CYFIP1: variants seen among roughly 807,000 people sequenced by gnomAD.
The protein encoded by CYFIP1 is cytoplasmic FMR1-interacting protein 1.
CYFIP1 carries 58 observed loss-of-function variants against 163.5 expected under a neutral mutation model. The ratio of observed to expected loss-of-function variants is 0.35; its 90% CI spans 0.29 to 0.44. The LOEUF is 0.44. Among genes scored for constraint, CYFIP1 ranks in the 20% least tolerant of loss-of-function variants. The pLI, the probability that CYFIP1 is intolerant of heterozygous loss-of-function variation, is 1.00. For synonymous variants in CYFIP1, 663 were observed against 660.7 expected, an observed-to-expected ratio of 1.00 and a Z score of -0.05; for missense variants, 1,338 against 1,653.8, an observed-to-expected ratio of 0.81 and a Z score of 3.31.
chr15:22,885,604 G>A (rs1675878924), intron 23 of CYFIP1, among the ~76,000 whole-genome samples: 2 of 152,270 alleles, frequency 1.3e-5, no homozygotes, highest in East Asian at 1.9e-4. Flanking sequence ...ATGGTGGTGG[G>A]CACCTGTAAT....
rs1173873355 is a variant in CYFIP1 at position 22,928,004 on chromosome 15, C to T, written c.1135G>A (p.Glu379Lys). 13 of 1,579,984 alleles carry T rather than the reference C, an allele frequency of 8.2e-6. No individual in the cohort carries two copies. The highest frequency in any genetic ancestry group is 1.1e-5 in the Non-Finnish European group (13 of 1,166,854). ...TACTCCGCGTCCGTCTTCTGGGCCTCCTGGCGGCCCGAGCCCGTGACCACC... is the reference window on the plus strand; with the variant it reads ...TACTCCGCGTCCGTCTTCTGGGCCTTCTGGCGGCCCGAGCCCGTGACCACC... ...SEVVTGSGRQ[E>K]AQKTDAEYRK... The change falls in exon 12 of 31, where the codon GAG (glutamate) becomes AAG (lysine). Residue 379 changes from glutamate to lysine, a missense_variant. Physicochemically the swap from Glu to Lys is moderately conservative, Grantham distance 56. This residue lies in a region of CYFIP1 where 824 missense variants were observed against 995.7 expected (regional missense o/e 0.83). Coordinates refer to ENST00000617928, the MANE Select transcript of CYFIP1 (RefSeq NM_014608.6).
In CYFIP1 at chr15:22,912,194, G is replaced by A. The variant is rs377273118; in HGVS notation, c.2067C>T (p.Asp689=). The change falls in exon 18 of 31, where the codon GAC becomes GAT. Residue 689 remains aspartate, a synonymous_variant. Coordinates refer to ENST00000617928, the MANE Select transcript of CYFIP1 (RefSeq NM_014608.6). Reference sequence around the variant, plus strand: ...GGGGCCTCACCTCGGCCTCAATTTCGTCGTACAGGAACTGCTTGTTGAACC... The same window carrying A: ...GGGGCCTCACCTCGGCCTCAATTTCATCGTACAGGAACTGCTTGTTGAACC... ...LTRFNKQFLY[D]EIEAEVNLCF... is the part of the protein sequence containing the mutation. 1.1e-5 allele frequency: 18 copies of A among 1,613,838 alleles called. No individual in the cohort carries two copies. Among genetic ancestry groups the A allele is most frequent in the South Asian group, 6.6e-5 (6 of 91,050 alleles).
intron 26 of CYFIP1, among the ~76,000 whole-genome samples, chr15:22,878,292 T>C (rs1360094811): frequency 1.3e-5 from 2 of 152,066 alleles, no homozygotes; most frequent in Non-Finnish European, 2.9e-5. Context: ...TCGAGAGTCA[T>C]GTTAGAGCAA....
chr15:22,916,987 C>T (rs766205606), intron 15 of CYFIP1: 26 of 1,551,210 alleles, frequency 1.7e-5, no homozygotes, highest in African/African-American at 5.5e-5. Context: ...CTGAGCAGCT[C>T]GGCAGAGCCC....
rs149042952 is a variant in CYFIP1 at position 22,879,947 on chromosome 15, G to A, written c.3008C>T (p.Ala1003Val). The A allele has an allele frequency of 0.012, 19,848 of 1,613,534 alleles. 186 individuals carry two copies. The highest frequency in any genetic ancestry group is 0.016 in the Non-Finnish European group (18,371 of 1,179,968). ...CTCGATGAGCAGGCAGAAGAGGATG[G>A]CGTTCCCCACCTCCCGCAGGTTCTG... ...CFQNLREVGN[A>V]ILFCLLIEQS... The change falls in exon 26 of 31, where the codon GCC becomes GTC. Residue 1003 changes from alanine to valine, a missense_variant. By Grantham distance (64) the Ala-to-Val change is moderately conservative. Transcript: ENST00000617928.
intron 23 of CYFIP1, among the ~76,000 whole-genome samples, chr15:22,885,042 C>T (rs1412660176): frequency 1.3e-5 from 2 of 152,074 alleles, no homozygotes; most frequent in South Asian, 2.1e-4. Context: ...AACCATTTTT[C>T]CCTCCTAGGC....
intron 22 of CYFIP1, among the ~76,000 whole-genome samples, chr15:22,899,590 C>CA (rs1240994756): frequency 1.3e-5 from 2 of 152,218 alleles, no homozygotes; most frequent in Admixed American, 1.3e-4. Flanking sequence ...ACATCCCTCT[C>CA]ACCTTCCGCC....
At chr15:22,950,314 C>T (rs928186083) in intron 1 of CYFIP1, among the ~76,000 whole-genome samples, 1 of 152,104 alleles carries the variant, frequency 6.6e-6, no homozygotes, top group Admixed American at 6.6e-5. Flanking sequence ...AAAGGTGAAC[C>T]AGGCAAGCGC....
At chr15:22,974,717 G>A (rs1264381717) in intron 1 of CYFIP1, among the ~76,000 whole-genome samples, 1 of 152,174 alleles carries the variant, frequency 6.6e-6, no homozygotes, top group Non-Finnish European at 1.5e-5. Context: ...GTGACAGAGT[G>A]AGACCCTGTC....
chr15:22,897,478 GT>G (rs545780467), intron 22 of CYFIP1, among the ~76,000 whole-genome samples: 56 of 144,030 alleles, frequency 3.9e-4, no homozygotes, highest in Middle Eastern at 3.5e-3. Context: ...CAACAGGGTT[GT>G]TTTTTTTTTT....
At chr15:22,939,993 A>G (rs879849666) in intron 6 of CYFIP1, among the ~76,000 whole-genome samples, 1 of 152,196 alleles carries the variant, frequency 6.6e-6, no homozygotes, top group Non-Finnish European at 1.5e-5. Context: ...CTGGTGTCCA[A>G]GGTCCTGAGA....
At position 22,918,750 on chromosome 15, in the gene CYFIP1, C is replaced by A; in HGVS notation, c.1468G>T (p.Val490Leu). 1 of 1,613,464 alleles carries A rather than the reference C, an allele frequency of 6.2e-7. No homozygotes were observed. The highest frequency in any genetic ancestry group is 8.5e-7 in the Non-Finnish European group (1 of 1,179,818). Residue 490 changes from valine (V) to leucine (L), a missense_variant, in exon 14 of 31, where the codon GTG becomes TTG. This residue lies in a region of CYFIP1 where 824 missense variants were observed against 995.7 expected (regional missense o/e 0.83). Coordinates refer to ENST00000617928, the MANE Select transcript of CYFIP1 (RefSeq NM_014608.6). ...VYAALQDFSQ[V>L]TLREPLRQAI... ...TGCCGCAGCGGCTCCCTAAGGGTCA[C>A]CTGGGAGAAGTCCTGCAGTGCGGCA...
At chr15:22,976,401 C>A (rs1468081512) in intron 1 of CYFIP1, among the ~76,000 whole-genome samples, 1 of 152,168 alleles carries the variant, frequency 6.6e-6, no homozygotes, top group Non-Finnish European at 1.5e-5. Flanking sequence ...TGTGATCCGC[C>A]CGCCTCGGCC....
At chr15:22,914,962 G>C in intron 16 of CYFIP1, 80 bp from the exon 17 acceptor site, 1 of 1,449,746 alleles carries the variant, frequency 6.9e-7, no homozygotes, top group Non-Finnish European at 9.3e-7. Context: ...AGGGCTGTGT[G>C]CTGGGTGCCT....
rs759718838 is a variant in CYFIP1 at position 22,882,924 on chromosome 15, C to T, written c.2764G>A (p.Gly922Ser). The T allele has an allele frequency of 5.6e-6, 9 of 1,613,978 alleles. No homozygotes were observed. Among genetic ancestry groups the T allele is most frequent in the South Asian group, 1.1e-5 (1 of 91,068 alleles). The change falls in exon 24 of 31, where the codon GGC (glycine) becomes AGC (serine). Residue 922 changes from glycine to serine, a missense_variant. Coordinates refer to ENST00000617928, the MANE Select transcript of CYFIP1 (RefSeq NM_014608.6). ...ATGACCACGGCGATACCCTGGTAGC[C>T]GAGAAGCCGGCAGATGACTTGAAAG... is the stretch of plus-strand genomic sequence containing the variant. The part of the protein sequence containing the change: ...PHFQVICRLL[G>S]YQGIAVVMEE...
chr15:22,899,802 C>T (rs773649413), intron 22 of CYFIP1, among the ~76,000 whole-genome samples: 10 of 152,134 alleles, frequency 6.6e-5, no homozygotes, highest in Non-Finnish European at 1.2e-4. Flanking sequence ...AATCCCAGCA[C>T]TTTGGAAGGC....
intron 1 of CYFIP1, among the ~76,000 whole-genome samples, chr15:22,961,349 G>C (rs2062675981): frequency 6.6e-6 from 1 of 151,874 alleles, no homozygotes; most frequent in South Asian, 2.1e-4. Flanking sequence ...TATTATCACT[G>C]AGATGAAACA....
Position 22,917,914 on chromosome 15 carries a change from C to CT in CYFIP1, c.1547dup (p.Thr517AspfsTer4). 6.2e-7 allele frequency: 1 copy of CT among 1,613,776 alleles called. No individual in the cohort carries two copies. The highest frequency in any genetic ancestry group is 8.5e-7 in the Non-Finnish European group (1 of 1,179,892). ...GCCCCGTCTCCCAGTCACACACGGT[C>CT]TTCCTGATGGCCTGCAGGACACTGA... On this transcript the variant is annotated frameshift_variant, in exon 15 of 31. Coordinates refer to ENST00000617928, the MANE Select transcript of CYFIP1 (RefSeq NM_014608.6). LOFTEE classifies it high-confidence loss of function. This position sits in a 1 kb window ranked among gnomAD's most constrained non-coding sequence, Gnocchi z 4.2.
chr15:22,915,708 C>A (rs892310106), intron 16 of CYFIP1, among the ~76,000 whole-genome samples: 2 of 152,126 alleles, frequency 1.3e-5, no homozygotes, highest in African/African-American at 4.8e-5. Context: ...GAGATCGCCC[C>A]ACTGTACTCT....
Sources: gnomAD v4.1 joint callset for allele counts (sites outside exome capture counted in the v4.1 genomes callset) on GRCh38, gnomAD v4.1.1 for gene constraint, gnomAD v4.1.1 regional missense constraint, Gnocchi (gnomAD v3.1) non-coding constraint, MANE v1.5 for transcripts, NCBI Gene and HGNC (gene_info 2026-07-23, HGNC 2026-07-21) for gene names.